ARHGAP19: variants seen among roughly 807,000 people sequenced by gnomAD.
ARHGAP19 encodes the protein rho GTPase-activating protein 19.
A neutral mutation model predicts 60.9 loss-of-function variants in ARHGAP19; 48 were observed. The ratio of observed to expected loss-of-function variants is 0.79; its 90% CI spans 0.62 to 1.00. The LOEUF (loss-of-function observed/expected upper bound fraction) is 1.00. Among genes scored for constraint, ARHGAP19 ranks in the 50% least tolerant of loss-of-function variants. ARHGAP19 has a pLI of 0.00. For missense variants in ARHGAP19, 562 were observed against 597.2 expected (o/e 0.94, Z 0.61); for synonymous variants, 209 against 215.5 (o/e 0.97, Z 0.27).
chr10:97,241,247 C>T (rs990927801), intron 8 of ARHGAP19, among the ~76,000 whole-genome samples: 26 of 152,066 alleles, frequency 1.7e-4, no homozygotes, highest in Non-Finnish European at 3.7e-4. Flanking sequence ...ATTGCTTGAA[C>T]CCAGGAGGCG....
chr10:97,250,115 T>G lies in ARHGAP19; in HGVS notation c.928-3778A>C, dbSNP rs113603007. ...GTGATTCTTAAGAGAATATGTTTAT[T>G]ATTGGGAGATGCATACATAAGTACT... On this transcript the variant is annotated intron_variant, in intron 6 of 11. Transcript: ENST00000358531. 6.2e-4 allele frequency among the ~76,000 whole-genome samples: 95 copies of G among 152,058 alleles called. 2 individuals carry two copies. The highest frequency in any genetic ancestry group is 1.6e-3 in the Admixed American group (25 of 15,252).
In ARHGAP19 at chr10:97,235,189, GC is replaced by G. The variant is rs1564711800; in HGVS notation, c.1284+27del. ...ATTGTTACATTTCCTAAAAATCAAT[GC>G]TGAAAACGACAGCCCAGCATACCTA... On this transcript the variant is annotated intron_variant, in intron 9 of 11. Transcript: ENST00000358531. 3 of 1,546,526 alleles carry G rather than the reference GC, an allele frequency of 1.9e-6. No homozygotes were observed. In the Admixed American group the frequency reaches 5.7e-5, roughly 29 times the overall value.
intron 6 of ARHGAP19, among the ~76,000 whole-genome samples, chr10:97,252,719 T>C (rs1482166749): frequency 6.6e-6 from 1 of 152,182 alleles, no homozygotes; most frequent in Non-Finnish European, 1.5e-5. Flanking sequence ...TGCAAATTAG[T>C]ATAGCCATTA....
intron 6 of ARHGAP19, among the ~76,000 whole-genome samples, chr10:97,253,772 T>A (rs1842720523): frequency 6.6e-6 from 1 of 152,206 alleles, no homozygotes; most frequent in African/African-American, 2.4e-5. Flanking sequence ...TGTACAAATA[T>A]TATGTGTCAA....
intron 1 of ARHGAP19, among the ~76,000 whole-genome samples, chr10:97,283,831 T>TTA (rs375707970): frequency 7.9e-6 from 1 of 126,844 alleles, no homozygotes; most frequent in African/African-American, 3.0e-5. Context: ...TCATCTCTAT[T>TTA]AAAAAAAAAA....
At chr10:97,236,407 G>A (rs565082656) in intron 8 of ARHGAP19, among the ~76,000 whole-genome samples, 1 of 152,186 alleles carries the variant, frequency 6.6e-6, no homozygotes, top group South Asian at 2.1e-4. Context: ...AAAGTTAATT[G>A]TCTCGGCAGG....
chr10:97,259,259 A>C (rs1490153044), intron 5 of ARHGAP19, 143 bp downstream of exon 5: 1 of 672,742 alleles, frequency 1.5e-6, no homozygotes, highest in African/African-American at 1.8e-5. Flanking sequence ...ATGACTCTTC[A>C]ATGAACTAAT....
intron 1 of ARHGAP19, among the ~76,000 whole-genome samples, chr10:97,271,651 G>A (rs1194331300): frequency 6.6e-6 from 1 of 151,850 alleles, no homozygotes; most frequent in African/African-American, 2.4e-5. Flanking sequence ...TCAAATTCAG[G>A]TGGTATATTT....
intron 2 of ARHGAP19, chr10:97,265,290 C>T: frequency 5.5e-6 from 1 of 181,790 alleles, no homozygotes. Context: ...CTGCTTGAGG[C>T]CAGGAGTTTG....
intron 1 of ARHGAP19, among the ~76,000 whole-genome samples, chr10:97,291,442 C>T (rs555350198): frequency 6.6e-5 from 10 of 152,226 alleles, no homozygotes; most frequent in South Asian, 4.1e-4. Flanking sequence ...TACAGGCGCC[C>T]GCCACCACAC....
intron 3 of ARHGAP19, 106 bp from the exon 4 acceptor site, chr10:97,263,735 A>C: frequency 8.7e-7 from 1 of 1,148,496 alleles, no homozygotes; most frequent in Non-Finnish European, 1.2e-6. Context: ...ACCCTTCACA[A>C]AGCCTTTCAA....
At chr10:97,262,326 G>C (rs2134883310) in intron 4 of ARHGAP19, among the ~76,000 whole-genome samples, 1 of 151,892 alleles carries the variant, frequency 6.6e-6, no homozygotes, top group African/African-American at 2.4e-5. Flanking sequence ...TCTGAATTTT[G>C]AACTATGTGT....
At chr10:97,271,417 C>T (rs1027694407) in intron 1 of ARHGAP19, among the ~76,000 whole-genome samples, 1 of 151,868 alleles carries the variant, frequency 6.6e-6, no homozygotes, top group South Asian at 2.1e-4. Context: ...AACATGTTTG[C>T]TATGCATATA....
chr10:97,235,406 C>T, intron 8 of ARHGAP19, 91 bp from the exon 9 acceptor site: 1 of 1,167,840 alleles, frequency 8.6e-7, no homozygotes, highest in South Asian at 1.3e-5. Context: ...AAATAAAAGT[C>T]CAGGAAAAAC....
At chr10:97,227,742 C>T (rs1850924152) in intron 11 of ARHGAP19, among the ~76,000 whole-genome samples, 1 of 152,120 alleles carries the variant, frequency 6.6e-6, no homozygotes, top group African/African-American at 2.4e-5. Flanking sequence ...CAGAAAAATA[C>T]ACATATGTAC....
intron 3 of ARHGAP19, 97 bp downstream of exon 3, chr10:97,264,729 T>C (rs1331491105): frequency 3.8e-6 from 3 of 792,224 alleles, no homozygotes; most frequent in Non-Finnish European, 2.1e-6. Flanking sequence ...CCTTTGTTGA[T>C]GGTTAATTGG....
chr10:97,251,659 A>G (rs374681969), intron 6 of ARHGAP19, among the ~76,000 whole-genome samples: 24 of 426 alleles, frequency 0.056, no homozygotes, highest in Admixed American at 0.11. Context: ...AGGAGGGGAA[A>G]GGGAGGGGAA....
intron 6 of ARHGAP19, among the ~76,000 whole-genome samples, chr10:97,256,087 G>C (rs1163537004): frequency 1.3e-5 from 2 of 152,096 alleles, no homozygotes; most frequent in Non-Finnish European, 2.9e-5. Context: ...AGGAAGAATG[G>C]CTCAGAGGGT....
Position 97,265,881 on chromosome 10 carries a change from G to C in ARHGAP19, c.301C>G (p.Leu101Val). 1 of 1,614,100 alleles carries C rather than the reference G, an allele frequency of 6.2e-7. No homozygotes were observed. Among genetic ancestry groups the C allele is most frequent in the Non-Finnish European group, 8.5e-7 (1 of 1,180,020 alleles). Residue 101 changes from leucine (L) to valine (V), a missense_variant, in exon 2 of 12, where the codon CTC becomes GTC. Leu to Val is a conservative substitution (Grantham distance 32). Coordinates refer to ENST00000358531, the MANE Select transcript of ARHGAP19 (RefSeq NM_032900.6). ...AGPASGFFRS[L>V]MSLKRKEKGV... ...CTACCCTTTCGCTTGAGAGACATGA[G>C]AGACCGGAAGAATCCTGATGCTGGG...
Sources: gnomAD v4.1 joint callset for allele counts (sites outside exome capture counted in the v4.1 genomes callset) on GRCh38, gnomAD v4.1.1 for gene constraint, MANE v1.5 for transcripts, NCBI Gene and HGNC (gene_info 2026-07-23, HGNC 2026-07-21) for gene names.